ERC1: variants seen among roughly 807,000 people sequenced by gnomAD.
The protein encoded by ERC1 is RAB6 interacting protein 2.
Under a neutral mutation model 132.0 loss-of-function variants are expected in ERC1, and 56 were observed. The observed-to-expected ratio is 0.42, with a 90% confidence interval of 0.34 to 0.53. ERC1 has a LOEUF of 0.53. Among genes scored for constraint, ERC1 ranks in the 20% least tolerant of loss-of-function variants. ERC1 has a pLI of 0.03. For synonymous variants in ERC1, 478 were observed against 476.1 expected (o/e 1.00, Z -0.05); for missense variants, 1,202 against 1,349.9 (o/e 0.89, Z 1.72).
chr12:1,148,339 GA>G (rs1229515830), intron 8 of ERC1, among the ~76,000 whole-genome samples: 3 of 152,092 alleles, frequency 2.0e-5, no homozygotes, highest in Non-Finnish European at 4.4e-5. Flanking sequence ...AGGTGAAGGG[GA>G]AGCAAGGCAC....
intron 12 of ERC1, among the ~76,000 whole-genome samples, chr12:1,218,843 C>T (rs879267512): frequency 1.1e-4 from 16 of 146,156 alleles, no homozygotes; most frequent in East Asian, 5.9e-4. Flanking sequence ...TACACACACA[C>T]ACACACACAC....
At chr12:1,137,695 C>CA (rs1384601412) in intron 7 of ERC1, among the ~76,000 whole-genome samples, 1 of 149,944 alleles carries the variant, frequency 6.7e-6, no homozygotes, top group East Asian at 2.0e-4. Flanking sequence ...ACTAAAAATA[C>CA]AAAAAAAATT....
At chr12:1,336,833 C>T (rs973960006) in intron 15 of ERC1, among the ~76,000 whole-genome samples, 31 of 151,750 alleles carry the variant, frequency 2.0e-4, no homozygotes, top group African/African-American at 6.3e-4. Context: ...AGTCTTGCTC[C>T]ATTGCCCAGG....
intron 14 of ERC1, among the ~76,000 whole-genome samples, chr12:1,270,100 T>C (rs942176632): frequency 2.6e-5 from 4 of 152,342 alleles, no homozygotes; most frequent in East Asian, 1.9e-4. Context: ...AGTTGAGTTA[T>C]ATTGCTACAA....
At chr12:1,233,847 T>G (rs887503010) in intron 12 of ERC1, among the ~76,000 whole-genome samples, 3 of 152,142 alleles carry the variant, frequency 2.0e-5, no homozygotes, top group Non-Finnish European at 4.4e-5. Context: ...TGTATGGGCG[T>G]TTTTTGTATT....
chr12:1,131,911 T>A (rs1371367217), intron 7 of ERC1, among the ~76,000 whole-genome samples: 1 of 152,192 alleles, frequency 6.6e-6, no homozygotes, highest in African/African-American at 2.4e-5. Context: ...CAGACAAACT[T>A]GGCAAGTTGG....
intron 15 of ERC1, among the ~76,000 whole-genome samples, chr12:1,356,787 AG>A (rs2085583017): frequency 6.6e-6 from 1 of 152,236 alleles, no homozygotes; most frequent in Non-Finnish European, 1.5e-5. Flanking sequence ...TACCTGATGC[AG>A]GCATAGTCAT....
At chr12:1,351,492 G>C (rs1276745099) in intron 15 of ERC1, among the ~76,000 whole-genome samples, 1 of 150,812 alleles carries the variant, frequency 6.6e-6, no homozygotes, top group Non-Finnish European at 1.5e-5. Flanking sequence ...TCTGGATTTT[G>C]TCCATTGTGG....
intron 8 of ERC1, among the ~76,000 whole-genome samples, chr12:1,178,304 A>G (rs1370608561): frequency 6.6e-6 from 1 of 152,220 alleles, no homozygotes; most frequent in Non-Finnish European, 1.5e-5. Context: ...TGAATCCCTG[A>G]ATATAGTTTA....
At chr12:1,259,129 A>T (rs73027449) in intron 13 of ERC1, among the ~76,000 whole-genome samples, 3,089 of 152,260 alleles carry the variant, frequency 0.02, 61 homozygotes, top group South Asian at 0.058. Flanking sequence ...TACACAAATA[A>T]TACTTACATG....
rs73041055 is a variant in ERC1, at chr12:1,166,217, G to C, written c.1738-14323G>C. On this transcript the variant is annotated intron_variant, in intron 8 of 18. Transcript: ENST00000360905. ...GCGAGGGACCCAGTGGGAGGCAATT[G>C]CATCATGGGATGGGTCTTTCTCGTG... Among the ~76,000 whole-genome samples the C allele has an allele frequency of 4.2e-3, 645 of 152,312 alleles. 4 individuals are homozygous for C. The highest frequency in any genetic ancestry group is 7.0e-3 in the Non-Finnish European group (473 of 68,026).
At position 1,156,317 on chromosome 12, in the gene ERC1, C is replaced by T. The variant is rs546948040; in HGVS notation, c.1737+14530C>T. ...GCAGTGGTGCAATCTTAGCTCACTA[C>T]GGCCTCTGCCTCCCAGGTTCAAACA... On this transcript the variant is annotated intron_variant, in intron 8 of 18. Transcript: ENST00000360905. Among the ~76,000 whole-genome samples the T allele has an allele frequency of 6.6e-5, 10 of 152,194 alleles. No individual in the cohort carries two copies. In the East Asian group the frequency reaches 7.7e-4, roughly 12 times the overall value.
intron 2 of ERC1, among the ~76,000 whole-genome samples, chr12:1,033,213 T>C (rs557025006): frequency 6.6e-6 from 1 of 152,078 alleles, no homozygotes; most frequent in South Asian, 2.1e-4. Context: ...ATTTTTTGTA[T>C]TTTCAGTAGA....
intron 1 of ERC1, among the ~76,000 whole-genome samples, chr12:1,003,118 T>TC (rs201748786): frequency 0.049 from 3,719 of 75,282 alleles, 105 homozygotes; most frequent in South Asian, 0.16. Context: ...AAAAAAAGAC[T>TC]CAAAAAAAAA....
chr12:1,196,935 CA>C (rs1956344883), intron 12 of ERC1, among the ~76,000 whole-genome samples: 1 of 42,030 alleles, frequency 2.4e-5, no homozygotes, highest in Admixed American at 1.9e-4. Flanking sequence ...CACACACACA[CA>C]CACACACACA....
intron 16 of ERC1, chr12:1,380,128 A>G (rs1371579540): frequency 2.0e-5 from 3 of 152,234 alleles, no homozygotes; most frequent in East Asian, 3.8e-4. Flanking sequence ...CAGATCAGAC[A>G]ACAAAGCAGA....
chr12:1,000,641 T>TCAG (rs558100284), intron 1 of ERC1, among the ~76,000 whole-genome samples: 3 of 152,168 alleles, frequency 2.0e-5, no homozygotes, highest in Non-Finnish European at 4.4e-5. Context: ...TGTGTGCCTG[T>TCAG]AGTCCTAGCT....
At chr12:1,223,735 T>C (rs2074344578) in intron 12 of ERC1, among the ~76,000 whole-genome samples, 1 of 152,212 alleles carries the variant, frequency 6.6e-6, no homozygotes, top group South Asian at 2.1e-4. Flanking sequence ...GTTGGGAGCT[T>C]AGCAATTGTG....
At chr12:1,416,057 C>A (rs557448436) in intron 17 of ERC1, among the ~76,000 whole-genome samples, 9 of 152,312 alleles carry the variant, frequency 5.9e-5, no homozygotes, top group African/African-American at 2.2e-4. Flanking sequence ...ACACCATACC[C>A]AAAGAGGAGT....
Sources: gnomAD v4.1 joint callset for allele counts (sites outside exome capture counted in the v4.1 genomes callset) on GRCh38, gnomAD v4.1.1 for gene constraint, MANE v1.5 for transcripts, NCBI Gene and HGNC (gene_info 2026-07-23, HGNC 2026-07-21) for gene names.